The following PGM1 variants were observed in gnomAD, a reference collection of about 807,000 sequenced individuals.
The protein encoded by PGM1 is phosphoglucomutase 1.
In PGM1, 52 loss-of-function variants were observed where a neutral mutation model predicts 55.6. That is an observed-to-expected ratio of 0.94 (90% confidence interval 0.75 to 1.18). The LOEUF is 1.18. Among genes scored for constraint, PGM1 ranks in the 50% most tolerant of loss-of-function variants. The pLI, the probability that PGM1 is intolerant of heterozygous loss-of-function variation, is 0.00. For missense variants in PGM1, 724 were observed against 729.3 expected, an observed-to-expected ratio of 0.99 and a Z score of 0.08; for synonymous variants, 287 against 271.7, an observed-to-expected ratio of 1.06 and a Z score of -0.55.
intron 1 of PGM1, among the ~76,000 whole-genome samples, chr1:63,609,133 C>A (rs1007979783): frequency 6.6e-6 from 1 of 152,198 alleles, no homozygotes; most frequent in Admixed American, 6.5e-5. Context: ...ATCCCTTGGA[C>A]TTTTTCTGTC....
chr1:63,621,494 C>A (rs1465686225), intron 1 of PGM1, among the ~76,000 whole-genome samples: 1 of 152,130 alleles, frequency 6.6e-6, no homozygotes, highest in Non-Finnish European at 1.5e-5. Context: ...TCGGATATGT[C>A]AAGACACACA....
rs147159941 is a variant in PGM1, at chr1:63,602,245, A to C, written c.246+8511A>C. Among the ~76,000 whole-genome samples, 287 of 152,306 alleles carry C rather than the reference A, an allele frequency of 1.9e-3. 1 individual carries two copies. Among genetic ancestry groups the C allele is most frequent in the African/African-American group, 6.6e-3 (276 of 41,572 alleles). ...GGAGTTTCAGAGCTTTTAATATATG[A>C]GTACTGAGAGTTTGTAAAAGGACCC... On this transcript the variant is annotated intron_variant, in intron 1 of 10. Transcript: ENST00000371084.
intron 7 of PGM1, among the ~76,000 whole-genome samples, chr1:63,642,113 G>A (rs924614831): frequency 6.6e-6 from 1 of 152,042 alleles, no homozygotes; most frequent in African/African-American, 2.4e-5. Context: ...GGAACCCCAG[G>A]GTCTTTGCGG....
rs1649322137 is a variant in PGM1 at position 63,634,905 on chromosome 1, T to C, written c.759T>C (p.Pro253=). ...APANSAVNCV[P]LEDFGGHHPD... ...CGAACTCGGCAGTTAACTGCGTTCC[T>C]CTGGAGGACTTTGGAGGCCACCACC... is the stretch of plus-strand genomic sequence containing the variant. The change falls in exon 5 of 11, where the codon CCT becomes CCC. Residue 253 remains proline, a synonymous_variant. Transcript: ENST00000371084. The C allele has an allele frequency of 3.1e-6, 5 of 1,613,978 alleles. No homozygotes were observed. Among genetic ancestry groups the C allele is most frequent in the Non-Finnish European group, 4.2e-6 (5 of 1,179,998 alleles).
intron 1 of PGM1, among the ~76,000 whole-genome samples, chr1:63,596,463 G>A (rs1394549340): frequency 6.6e-6 from 1 of 151,758 alleles, no homozygotes; most frequent in Non-Finnish European, 1.5e-5. Flanking sequence ...CACCATCTTG[G>A]CCAGGCTGGT....
chr1:63,623,676 A>T, intron 1 of PGM1: 4 of 1,612,622 alleles, frequency 2.5e-6, no homozygotes, highest in Middle Eastern at 3.3e-4. Context: ...ATCGCCAGGG[A>T]TCATCACTGG....
At chr1:63,638,893 G>A in intron 7 of PGM1, 93 bp downstream of exon 7, 1 of 887,466 alleles carries the variant, frequency 1.1e-6, no homozygotes, top group South Asian at 1.3e-5. Flanking sequence ...AATACCAACG[G>A]TAGCCGATGT....
At chr1:63,642,032 C>T (rs1649531485) in intron 7 of PGM1, among the ~76,000 whole-genome samples, 1 of 152,202 alleles carries the variant, frequency 6.6e-6, no homozygotes, top group South Asian at 2.1e-4. Flanking sequence ...AGAATCCACA[C>T]CTCACCTCTT....
chr1:63,615,136 C>T (rs959402320), intron 1 of PGM1, among the ~76,000 whole-genome samples: 1 of 152,148 alleles, frequency 6.6e-6, no homozygotes, highest in Non-Finnish European at 1.5e-5. Context: ...AGTATTTATC[C>T]ACAGATAAAC....
chr1:63,631,151 G>C (rs1331763509), intron 3 of PGM1, among the ~76,000 whole-genome samples: 2 of 152,100 alleles, frequency 1.3e-5, no homozygotes, highest in Non-Finnish European at 2.9e-5. Flanking sequence ...TCCTTAAGCA[G>C]TACCTGTGAA....
At chr1:63,606,839 CAG>C (rs1012941353) in intron 1 of PGM1, among the ~76,000 whole-genome samples, 3 of 152,134 alleles carry the variant, frequency 2.0e-5, no homozygotes, top group African/African-American at 7.2e-5. Context: ...AGAGAGAAGA[CAG>C]AACTTAATTT....
intron 1 of PGM1, among the ~76,000 whole-genome samples, chr1:63,619,575 C>T (rs1430666011): frequency 6.6e-6 from 1 of 152,226 alleles, no homozygotes; most frequent in Non-Finnish European, 1.5e-5. Context: ...TCACTGCCAG[C>T]CAGTCAACTT....
At chr1:63,600,565 A>G (rs1184328332) in intron 1 of PGM1, among the ~76,000 whole-genome samples, 1 of 152,212 alleles carries the variant, frequency 6.6e-6, no homozygotes, top group African/African-American at 2.4e-5. Context: ...TCAAATGAAG[A>G]TAAGTTCTCT....
Position 63,636,291 on chromosome 1 carries a change from G to T in PGM1, c.931G>T (p.Ala311Ser). The T allele has an allele frequency of 6.2e-7, 1 of 1,614,148 alleles. No individual in the cohort carries two copies. Among genetic ancestry groups the T allele is most frequent in the Non-Finnish European group, 8.5e-7 (1 of 1,179,980 alleles). ...GFFVNPSDSVAVIAANIFSIP... is the reference protein window; with the variant it reads ...GFFVNPSDSVSVIAANIFSIP... ...CTTTGTGAACCCTTCAGACTCTGTG[G>T]CTGTCATTGCTGCCAACATCTTCAG... Residue 311 changes from alanine (A) to serine (S), a missense_variant, in exon 6 of 11, where the codon GCT becomes TCT. Ala to Ser is a moderately conservative substitution (Grantham distance 99). Around this residue, in one of 3 missense-constraint regions of PGM1, gnomAD observed 29 missense variants for 58.7 expected, o/e 0.49. Coordinates refer to ENST00000371084, the MANE Select transcript of PGM1 (RefSeq NM_002633.3).
At chr1:63,651,600 G>A (rs1649808231) in intron 8 of PGM1, 69 bp from the exon 9 acceptor site, 2 of 1,433,190 alleles carry the variant, frequency 1.4e-6, no homozygotes, top group Non-Finnish European at 2.0e-6. Flanking sequence ...GATGAAGAAA[G>A]TGCTGACTGA....
chr1:63,606,669 G>C (rs1461444300), intron 1 of PGM1, among the ~76,000 whole-genome samples: 7 of 152,214 alleles, frequency 4.6e-5, no homozygotes, highest in African/African-American at 1.7e-4. Flanking sequence ...TGAAATATCA[G>C]TCTTATTCTG....
chr1:63,607,645 C>T (rs749001668), intron 1 of PGM1, among the ~76,000 whole-genome samples: 4 of 152,156 alleles, frequency 2.6e-5, no homozygotes, highest in Non-Finnish European at 4.4e-5. Flanking sequence ...TCTTCATTTT[C>T]GTGAGGGTAA....
intron 7 of PGM1, among the ~76,000 whole-genome samples, chr1:63,647,833 C>G (rs72922605): frequency 0.019 from 2,882 of 152,256 alleles, 80 homozygotes; most frequent in African/African-American, 0.066. Context: ...TCATGTTCTT[C>G]TGCTGTTTGT....
intron 7 of PGM1, among the ~76,000 whole-genome samples, chr1:63,641,281 T>TTC (rs899182614): frequency 1.3e-5 from 2 of 151,764 alleles, no homozygotes; most frequent in Middle Eastern, 3.4e-3. Context: ...CACAAGCTCT[T>TTC]TCTCTCTCTC....
Sources: allele counts gnomAD v4.1 joint callset (sites outside exome capture counted in the v4.1 genomes callset), GRCh38; gene constraint gnomAD v4.1.1; regional missense constraint gnomAD v4.1.1; transcripts MANE v1.5; gene names NCBI Gene and HGNC (gene_info 2026-07-23, HGNC 2026-07-21).